Variants in HCN1 observed in about 807,000 individuals in gnomAD.
The protein encoded by HCN1 is potassium/sodium hyperpolarization-activated cyclic nucleotide-gated channel 1.
In HCN1, 13 loss-of-function variants were observed where a neutral mutation model predicts 78.9. That is an observed-to-expected ratio of 0.16 (90% CI 0.11 to 0.26). The LOEUF (loss-of-function observed/expected upper bound fraction) is 0.26. Ranked by LOEUF, HCN1 falls within the 10% of genes least tolerant of loss-of-function variation. The pLI, the probability that HCN1 is intolerant of heterozygous loss-of-function variation, is 1.00. For missense variants in HCN1, 810 were observed against 1,154.3 expected (o/e 0.70, Z 4.32); for synonymous variants, 552 against 455.5 (o/e 1.21, Z -2.70).
At chr5:45,386,105 G>C (rs1301291425) in intron 4 of HCN1, among the ~76,000 whole-genome samples, 5 of 152,068 alleles carry the variant, frequency 3.3e-5, no homozygotes, top group Non-Finnish European at 7.4e-5. Flanking sequence ...ACAGCAGTGG[G>C]GACATTTCAG....
chr5:45,445,933 G>A (rs531337790), intron 3 of HCN1, among the ~76,000 whole-genome samples: 9 of 152,022 alleles, frequency 5.9e-5, no homozygotes, highest in Non-Finnish European at 1.3e-4. Flanking sequence ...CCACAAAGAT[G>A]GGGAAAAAAC....
At chr5:45,532,603 CTTAAA>C (rs1212260645) in intron 2 of HCN1, among the ~76,000 whole-genome samples, 1 of 152,052 alleles carries the variant, frequency 6.6e-6, no homozygotes, top group Non-Finnish European at 1.5e-5. Flanking sequence ...AAAATCTACC[CTTAAA>C]TTAAAACAAA....
chr5:45,295,895 G>T (rs1313735399), intron 6 of HCN1, among the ~76,000 whole-genome samples: 1 of 151,998 alleles, frequency 6.6e-6, no homozygotes, highest in Non-Finnish European at 1.5e-5. Context: ...GGCAGGGATT[G>T]TATAATATGT....
intron 2 of HCN1, among the ~76,000 whole-genome samples, chr5:45,604,110 A>G (rs1561217034): frequency 6.6e-6 from 1 of 152,124 alleles, no homozygotes; most frequent in South Asian, 2.1e-4. Flanking sequence ...TTTTTGAAAT[A>G]TACTTTCCAG....
chr5:45,282,186 G>C (rs1019248685), intron 6 of HCN1, among the ~76,000 whole-genome samples: 5 of 152,084 alleles, frequency 3.3e-5, no homozygotes, highest in African/African-American at 4.8e-5. Context: ...ACACCACTTA[G>C]TAAAGCATTG....
At chr5:45,504,347 G>T (rs562894559) in intron 2 of HCN1, among the ~76,000 whole-genome samples, 1 of 151,984 alleles carries the variant, frequency 6.6e-6, no homozygotes, top group Non-Finnish European at 1.5e-5. Context: ...GAGAACATTC[G>T]GTGTTTGGTT....
At chr5:45,439,021 T>A (rs1333440470) in intron 3 of HCN1, among the ~76,000 whole-genome samples, 2 of 152,238 alleles carry the variant, frequency 1.3e-5, no homozygotes, top group Non-Finnish European at 2.9e-5. Context: ...ACTCAACAAA[T>A]CTTTCTTTTG....
At chr5:45,581,089 T>A (rs1744060138) in intron 2 of HCN1, among the ~76,000 whole-genome samples, 1 of 152,210 alleles carries the variant, frequency 6.6e-6, no homozygotes, top group Non-Finnish European at 1.5e-5. Flanking sequence ...TATTTCTAGT[T>A]CTAGATCCTT....
rs78789554 is a variant in HCN1 at position 45,696,372 on chromosome 5, G to T, written c.-279C>A. 6.5e-6 allele frequency: 1 copy of T among 154,188 alleles called. No homozygotes were observed. The highest frequency in any genetic ancestry group is 6.5e-5 in the Admixed American group (1 of 15,370). The allele number at this position is 154,188 out of a possible 1,614,324, so 9.6% of individuals were successfully genotyped here. ...GGCTGCCGGAGCTAGGCGAGGCTCA[G>T]CTCGGCTCAGCCCTCGCGCCCCAGC... is the stretch of plus-strand genomic sequence containing the variant. On this transcript the variant is annotated 5_prime_UTR_variant, in exon 1 of 8. In the 5' UTR this introduces an upstream ATG that the reference lacks. Transcript: ENST00000303230.
At chr5:45,630,710 C>T (rs1300033535) in intron 2 of HCN1, among the ~76,000 whole-genome samples, 1 of 152,094 alleles carries the variant, frequency 6.6e-6, no homozygotes, top group Non-Finnish European at 1.5e-5. Context: ...CTTTGGCTTT[C>T]TTGATAAGTC....
intron 2 of HCN1, among the ~76,000 whole-genome samples, chr5:45,495,829 A>G (rs540820191): frequency 1.3e-5 from 2 of 152,312 alleles, no homozygotes; most frequent in African/African-American, 4.8e-5. Flanking sequence ...GAATTTTGTC[A>G]AAGGCATTTT....
intron 3 of HCN1, among the ~76,000 whole-genome samples, chr5:45,450,056 C>A (rs886207635): frequency 3.3e-5 from 5 of 152,218 alleles, no homozygotes; most frequent in African/African-American, 4.8e-5. Flanking sequence ...TGGTCTCAAT[C>A]TCCTGACCTC....
intron 2 of HCN1, among the ~76,000 whole-genome samples, chr5:45,584,897 C>T (rs1354218840): frequency 1.3e-5 from 2 of 152,212 alleles, no homozygotes; most frequent in Non-Finnish European, 2.9e-5. Context: ...GCCAAGAGAT[C>T]AGCTGTTAGT....
chr5:45,584,002 T>G (rs1484753575), intron 2 of HCN1, among the ~76,000 whole-genome samples: 1 of 152,172 alleles, frequency 6.6e-6, no homozygotes, highest in Non-Finnish European at 1.5e-5. Context: ...GAATGTATAT[T>G]CTGTTGATTT....
chr5:45,340,989 A>C (rs1254704189), intron 5 of HCN1, among the ~76,000 whole-genome samples: 1 of 152,130 alleles, frequency 6.6e-6, no homozygotes, highest in Non-Finnish European at 1.5e-5. Context: ...TCCTTTTTGC[A>C]TTCCCTCAAT....
intron 2 of HCN1, among the ~76,000 whole-genome samples, chr5:45,472,023 C>T (rs769240806): frequency 1.3e-5 from 2 of 151,884 alleles, no homozygotes; most frequent in Non-Finnish European, 2.9e-5. Flanking sequence ...GAAATCTTTA[C>T]GAAGCCCATA....
intron 2 of HCN1, among the ~76,000 whole-genome samples, chr5:45,619,023 C>T (rs1157689204): frequency 2.0e-5 from 3 of 152,004 alleles, no homozygotes; most frequent in African/African-American, 7.2e-5. Context: ...GTAGTGAAAT[C>T]TTATTCCTTC....
chr5:45,549,638 T>C (rs139917710), intron 2 of HCN1, among the ~76,000 whole-genome samples: 5,826 of 152,126 alleles, frequency 0.038, 407 homozygotes, highest in African/African-American at 0.13. Context: ...AAAGCCAAAA[T>C]TGACAAATGG....
intron 2 of HCN1, among the ~76,000 whole-genome samples, chr5:45,465,372 G>C (rs1265168844): frequency 6.6e-5 from 10 of 152,102 alleles, no homozygotes; most frequent in Admixed American, 5.9e-4. Context: ...TGGGGTAACA[G>C]AAAGAAAGGC....
Sources: gnomAD v4.1 joint callset for allele counts (sites outside exome capture counted in the v4.1 genomes callset) on GRCh38, gnomAD v4.1.1 for gene constraint, MANE v1.5 for transcripts, NCBI Gene and HGNC (gene_info 2026-07-23, HGNC 2026-07-21) for gene names.